Variants in MYO9A observed in about 807,000 individuals in gnomAD.
MYO9A encodes myosin IXA, also known as unconventional myosin-IXa.
MYO9A carries 103 observed loss-of-function variants against 293.3 expected under a neutral mutation model. The observed-to-expected ratio is 0.35, with a 90% CI of 0.30 to 0.41. The LOEUF (loss-of-function observed/expected upper bound fraction) is 0.41, where lower values mean the gene tolerates loss of function less well. MYO9A is among the 10% of genes least tolerant of loss of function. The pLI, the probability that MYO9A is intolerant of heterozygous loss-of-function variation, is 1.00. For synonymous variants in MYO9A, 1,001 were observed against 1,035.7 expected (o/e 0.97, Z 0.64); for missense variants, 2,685 against 3,033.0 (o/e 0.89, Z 2.69).
chr15:72,064,481 T>C (rs951143217), intron 1 of MYO9A, among the ~76,000 whole-genome samples: 3 of 152,076 alleles, frequency 2.0e-5, no homozygotes, highest in South Asian at 2.1e-4. Context: ...TTAAAAAGCA[T>C]AGATGGGGCA....
At chr15:72,041,313 T>A in intron 2 of MYO9A, 1 of 759,938 alleles carries the variant, frequency 1.3e-6, no homozygotes, top group Non-Finnish European at 2.2e-6. Context: ...TTCTGGCAGT[T>A]TAAGATCCTC....
intron 14 of MYO9A, among the ~76,000 whole-genome samples, chr15:71,956,330 A>AAAATAT (rs10642655): frequency 1.3e-4 from 10 of 75,580 alleles, no homozygotes; most frequent in African/African-American, 2.4e-4. Context: ...AAAAAAAAAA[A>AAAATAT]ATATATATAT....
At chr15:71,916,630 A>G (rs1346032492) in intron 18 of MYO9A, 138 bp from the exon 19 acceptor site, 1 of 791,994 alleles carries the variant, frequency 1.3e-6, no homozygotes, top group Non-Finnish European at 1.9e-6. Flanking sequence ...AAAGACTGAT[A>G]TCCAACATTC....
At chr15:71,868,505 A>G (rs1407702815) in intron 32 of MYO9A, among the ~76,000 whole-genome samples, 1 of 152,220 alleles carries the variant, frequency 6.6e-6, no homozygotes, top group Non-Finnish European at 1.5e-5. Context: ...TGAGTTGATT[A>G]GCCATCTTAA....
chr15:71,847,487 GA>G (rs35088915), intron 39 of MYO9A: 1 of 452,186 alleles, frequency 2.2e-6, no homozygotes, highest in Non-Finnish European at 4.5e-6. Flanking sequence ...GGAAGGACAT[GA>G]AAAGGAAAGC....
intron 1 of MYO9A, among the ~76,000 whole-genome samples, chr15:72,087,447 T>C (rs929938302): frequency 7.2e-5 from 11 of 152,062 alleles, no homozygotes; most frequent in African/African-American, 1.9e-4. Context: ...CCAACTCGAG[T>C]GTCCATGAAG....
At position 71,898,460 on chromosome 15, in the gene MYO9A, A is replaced by G; in HGVS notation, c.4043T>C (p.Ile1348Thr). 6.2e-7 allele frequency: 1 copy of G among 1,613,994 alleles called. No individual in the cohort carries two copies. Among genetic ancestry groups the G allele is most frequent in the South Asian group, 1.1e-5 (1 of 91,070 alleles). Reference protein sequence around the residue: ...ESQKSKLESVISDEGDLQFPS... With the variant: ...ESQKSKLESVTSDEGDLQFPS... ...AAACTGCAAGTCTCCTTCATCTGAA[A>G]TGACAGACTCTAGTTTGCTCTTTTG... Residue 1348 changes from isoleucine to threonine, a missense_variant, in exon 25 of 42, where the codon ATT (isoleucine) becomes ACT (threonine). By Grantham distance (89) the Ile-to-Thr change is moderately conservative. Coordinates refer to ENST00000356056, the MANE Select transcript of MYO9A (RefSeq NM_006901.4).
chr15:72,067,882 TA>T (rs769331845), intron 1 of MYO9A, among the ~76,000 whole-genome samples: 6 of 151,550 alleles, frequency 4.0e-5, no homozygotes, highest in East Asian at 1.9e-4. Context: ...TTTAAGGCTA[TA>T]AAAAAAAATT....
In MYO9A at chr15:71,909,747, T is replaced by C. The variant is rs75117758; in HGVS notation, c.2686-4741A>G. ...GTAAAACAAAGAAGTCTTACAACTA[T>C]ATATAGACCCCTGTTACTGTTGTGA... On this transcript the variant is annotated intron_variant, in intron 19 of 41. Coordinates refer to ENST00000356056, the MANE Select transcript of MYO9A (RefSeq NM_006901.4). Among the ~76,000 whole-genome samples, 879 of 152,302 alleles carry C rather than the reference T, an allele frequency of 5.8e-3. 5 individuals carry two copies. The highest frequency in any genetic ancestry group is 0.017 in the Middle Eastern group (5 of 294).
chr15:72,014,847 T>C (rs868226750), intron 6 of MYO9A, among the ~76,000 whole-genome samples: 1 of 151,938 alleles, frequency 6.6e-6, no homozygotes. Context: ...TAAGTGCTTT[T>C]TTTAAATTTT....
chr15:71,899,569 G>A (rs2057423941), intron 24 of MYO9A, 118 bp downstream of exon 24: 2 of 902,412 alleles, frequency 2.2e-6, no homozygotes, highest in Admixed American at 5.5e-5. Context: ...CAGTATAGTG[G>A]AAAAGACAAA....
At chr15:71,974,422 G>A (rs560837248) in intron 12 of MYO9A, among the ~76,000 whole-genome samples, 2 of 152,312 alleles carry the variant, frequency 1.3e-5, no homozygotes, top group African/African-American at 4.8e-5. Flanking sequence ...TGGGAAAGAG[G>A]CGGTTGGGGA....
At chr15:72,000,702 C>A (rs1322239080) in intron 8 of MYO9A, among the ~76,000 whole-genome samples, 1 of 152,012 alleles carries the variant, frequency 6.6e-6, no homozygotes, top group Admixed American at 6.6e-5. Flanking sequence ...TGCAGTGGTG[C>A]GATCTCAATT....
At chr15:72,093,550 TA>T (rs2079983756) in intron 1 of MYO9A, among the ~76,000 whole-genome samples, 1 of 149,468 alleles carries the variant, frequency 6.7e-6, no homozygotes, top group Admixed American at 6.6e-5. Context: ...TATAAAGAAT[TA>T]AAATAATTTC....
At chr15:72,023,656 T>C (rs1481010894) in intron 4 of MYO9A, among the ~76,000 whole-genome samples, 1 of 145,820 alleles carries the variant, frequency 6.9e-6, no homozygotes, top group South Asian at 2.1e-4. Flanking sequence ...GATCACACCA[T>C]TGCACTCCAG....
At chr15:71,900,979 T>A (rs1254883392) in intron 23 of MYO9A, among the ~76,000 whole-genome samples, 1 of 152,244 alleles carries the variant, frequency 6.6e-6, no homozygotes, top group Admixed American at 6.5e-5. Context: ...TTCAATTTAA[T>A]TTAAATTCAA....
chr15:71,954,776 A>G (rs1343883864), intron 14 of MYO9A, among the ~76,000 whole-genome samples: 1 of 152,170 alleles, frequency 6.6e-6, no homozygotes, highest in Non-Finnish European at 1.5e-5. Context: ...TAGTGACAGA[A>G]AAGTTCCATA....
intron 32 of MYO9A, among the ~76,000 whole-genome samples, chr15:71,871,808 G>A (rs1233537030): frequency 6.6e-6 from 1 of 151,580 alleles, no homozygotes; most frequent in Non-Finnish European, 1.5e-5. Context: ...ATTAAAATTA[G>A]TAGTAAATAA....
Position 72,098,932 on chromosome 15 carries a change from C to T in MYO9A, c.-72+18748G>A, listed in dbSNP as rs144278625. Among the ~76,000 whole-genome samples the T allele has an allele frequency of 4.0e-5, 6 of 150,916 alleles. No individual in the cohort carries two copies. The East Asian group carries it at 1.2e-3, about 30-fold the overall frequency. On this transcript the variant is annotated intron_variant, in intron 1 of 41. Coordinates refer to ENST00000356056, the MANE Select transcript of MYO9A (RefSeq NM_006901.4). The stretch of plus-strand genomic sequence containing the variant: ...ACAAAATAGTAAAGGCCATCAAAGC[C>T]AGAAGTTGTATTTAAAAAAAAAAAC...
Sources: gnomAD v4.1 joint callset for allele counts (sites outside exome capture counted in the v4.1 genomes callset) on GRCh38, gnomAD v4.1.1 for gene constraint, MANE v1.5 for transcripts, NCBI Gene and HGNC (gene_info 2026-07-23, HGNC 2026-07-21) for gene names.